The following CSMD3 variants were observed in gnomAD, a reference collection of about 807,000 sequenced individuals.
CSMD3 encodes the protein CUB and Sushi multiple domains 3, also known as CUB and sushi domain-containing protein 3.
In CSMD3, 177 loss-of-function variants were observed where a neutral mutation model predicts 435.2. That is an observed-to-expected ratio of 0.41 (90% confidence interval 0.36 to 0.46). The LOEUF (loss-of-function observed/expected upper bound fraction) is 0.46. CSMD3 is among the 20% of genes least tolerant of loss of function. The pLI, the probability that CSMD3 is intolerant of heterozygous loss-of-function variation, is 0.34. For missense variants in CSMD3, 4,265 were observed against 4,504.6 expected (o/e 0.95, Z 1.52); for synonymous variants, 1,656 against 1,520.5 (o/e 1.09, Z -2.07).
intron 3 of CSMD3, among the ~76,000 whole-genome samples, chr8:113,187,157 C>A (rs1470605375): frequency 6.7e-6 from 1 of 149,324 alleles, no homozygotes; most frequent in Non-Finnish European, 1.5e-5. Flanking sequence ...TTTTCTTCTT[C>A]TTCTTCTTCT....
At position 113,173,780 on chromosome 8, in the gene CSMD3, G is replaced by A. The variant is rs2131890363; in HGVS notation, c.651C>T (p.Thr217=). ...CTGTATTAACTGAATTGGCTATGCA[G>A]GTGAGCTGAGGGTGGCCATCAAGGA... ...GYILDGHPQL[T]CIANSVNTAS... Residue 217 remains threonine, a synonymous_variant, in exon 4 of 71, where the codon ACC becomes ACT. Transcript: ENST00000297405. The A allele has an allele frequency of 6.2e-7, 1 of 1,613,802 alleles. No homozygotes were observed. Among genetic ancestry groups the A allele is most frequent in the Non-Finnish European group, 8.5e-7 (1 of 1,179,760 alleles).
rs201128122 is a variant in CSMD3 at position 112,265,583 on chromosome 8, A to C, written c.9516T>G (p.Ser3172Arg). 6.8e-6 allele frequency: 11 copies of C among 1,611,090 alleles called. No individual in the cohort carries two copies. In the South Asian group the frequency reaches 1.2e-4, roughly 18 times the overall value. ...TGGCTGGTATACCTGGGTCTCCACA[A>C]CTGATTACTGTCAGTATTGGATTAG... ...SGTLPNCTII[S>R]CGDPGIPANG... The change falls in exon 60 of 71, where the codon AGT becomes AGG. Residue 3172 changes from serine (S) to arginine (R), a missense_variant. Around this residue, in one of 3 missense-constraint regions of CSMD3, gnomAD observed 3,255 missense variants for 3,380.2 expected, o/e 0.96. Coordinates refer to ENST00000297405, the MANE Select transcript of CSMD3 (RefSeq NM_198123.2).
In CSMD3 at chr8:112,224,519, C is replaced by A; in HGVS notation, c.*252G>T. The A allele has an allele frequency of 1.9e-6, 1 of 521,134 alleles. No individual in the cohort carries two copies. Among genetic ancestry groups the A allele is most frequent in the Non-Finnish European group, 3.5e-6 (1 of 288,268 alleles). 32.3% of individuals were successfully genotyped at this position (521,134 alleles called of 1,614,324 possible). A position where few individuals can be genotyped will look rare whatever the true frequency, so the allele number is the denominator to read the frequency against. Reference sequence around the variant, plus strand: ...ATAAGTTTATATTTTAGAATAATCTCCTTTTTAAAAAAAGCAAATAAACTG... The same window carrying A: ...ATAAGTTTATATTTTAGAATAATCTACTTTTTAAAAAAAGCAAATAAACTG... On this transcript the variant is annotated 3_prime_UTR_variant, in exon 71 of 71. Transcript: ENST00000297405.
intron 4 of CSMD3, among the ~76,000 whole-genome samples, chr8:113,141,285 CA>C (rs892138267): frequency 2.7e-5 from 4 of 149,820 alleles, no homozygotes; most frequent in Admixed American, 6.7e-5. Flanking sequence ...TAATATCTTC[CA>C]AAAAAACAGA....
At chr8:113,210,211 C>G (rs913465538) in intron 3 of CSMD3, among the ~76,000 whole-genome samples, 1 of 152,030 alleles carries the variant, frequency 6.6e-6, no homozygotes, top group Non-Finnish European at 1.5e-5. Context: ...TCATTTTACA[C>G]CTGATTTCCT....
Position 112,805,854 on chromosome 8 carries a change from T to TA in CSMD3, c.1860-5581dup, listed in dbSNP as rs566115886. Reference sequence around the variant, plus strand: ...TCTCTAATCATTTACAGAAAAAACTTAAAGAAATTTGTCCCAGTGGGGGAT... The same window carrying TA: ...TCTCTAATCATTTACAGAAAAAACTTAAAAGAAATTTGTCCCAGTGGGGGAT... On this transcript the variant is annotated intron_variant, in intron 12 of 70. Transcript: ENST00000297405. Among the ~76,000 whole-genome samples the TA allele has an allele frequency of 1.8e-4, 27 of 152,278 alleles. No individual in the cohort carries two copies. In the South Asian group the frequency reaches 5.6e-3, roughly 32 times the overall value.
intron 32 of CSMD3, among the ~76,000 whole-genome samples, chr8:112,425,875 T>C (rs1194601764): frequency 6.6e-6 from 1 of 152,122 alleles, no homozygotes; most frequent in Non-Finnish European, 1.5e-5. Flanking sequence ...AAAAAAAAGA[T>C]GAAGTCATAC....
intron 32 of CSMD3, among the ~76,000 whole-genome samples, chr8:112,441,341 T>A (rs1179296202): frequency 6.6e-6 from 1 of 152,062 alleles, no homozygotes; most frequent in East Asian, 1.9e-4. Context: ...AAGCTACAAG[T>A]CTCTAAGAAG....
In CSMD3 at chr8:112,978,306, G is replaced by A. The variant is rs141621023; in HGVS notation, c.1031-2158C>T. On this transcript the variant is annotated intron_variant, in intron 6 of 70. Transcript: ENST00000297405. ...GATTAAATTATCATATTCCATCAGAGTCATTATGATCAATCTCAAATAATC... is the reference window on the plus strand; with the variant it reads ...GATTAAATTATCATATTCCATCAGAATCATTATGATCAATCTCAAATAATC... Among the ~76,000 whole-genome samples, 10 of 152,076 alleles carry A rather than the reference G, an allele frequency of 6.6e-5. No homozygotes were observed. In the East Asian group the frequency reaches 1.9e-3, roughly 29 times the overall value.
chr8:113,178,960 A>T (rs1308632517), intron 3 of CSMD3, among the ~76,000 whole-genome samples: 1 of 151,984 alleles, frequency 6.6e-6, no homozygotes, highest in African/African-American at 2.4e-5. Context: ...TCTGCTTTTT[A>T]AAAGAGTAAT....
At chr8:113,145,928 C>G (rs1188992321) in intron 4 of CSMD3, among the ~76,000 whole-genome samples, 1 of 151,428 alleles carries the variant, frequency 6.6e-6, no homozygotes, top group Admixed American at 6.6e-5. Context: ...TGTATTTCCA[C>G]TGAAATAATT....
Position 112,894,004 on chromosome 8 carries a change from C to CA in CSMD3, c.1633+27622dup, listed in dbSNP as rs2081878533. 2.6e-5 allele frequency among the ~76,000 whole-genome samples: 4 copies of CA among 151,324 alleles called. No individual in the cohort carries two copies. In the South Asian group the frequency reaches 8.3e-4, roughly 31 times the overall value. ...TGATAAAATAAATAAGAGAGACTCC[C>CA]AGGGTAAAATACATTGGATTTAAAG... On this transcript the variant is annotated intron_variant, in intron 10 of 70. Transcript: ENST00000297405.
chr8:113,225,562 A>G (rs942044426), intron 3 of CSMD3, among the ~76,000 whole-genome samples: 2 of 151,356 alleles, frequency 1.3e-5, no homozygotes, highest in Non-Finnish European at 3.0e-5. Flanking sequence ...ATGACGAGAG[A>G]AAAAAAATTC....
At chr8:113,188,386 A>G (rs949656872) in intron 3 of CSMD3, among the ~76,000 whole-genome samples, 15 of 152,028 alleles carry the variant, frequency 9.9e-5, no homozygotes, top group South Asian at 6.2e-4. Context: ...TTGGGGAGAT[A>G]GGAAAATATG....
intron 6 of CSMD3, among the ~76,000 whole-genome samples, chr8:113,001,163 C>A: frequency 6.6e-6 from 1 of 151,956 alleles, no homozygotes; most frequent in East Asian, 1.9e-4. Context: ...ACGCTGTTTC[C>A]TACATTCATT....
intron 2 of CSMD3, among the ~76,000 whole-genome samples, chr8:113,302,108 A>G (rs2093773383): frequency 6.6e-6 from 1 of 150,920 alleles, no homozygotes; most frequent in African/African-American, 2.4e-5. Flanking sequence ...AAATACAATT[A>G]ATGAGCTGTG....
At chr8:112,693,799 G>A (rs2076191373) in intron 13 of CSMD3, among the ~76,000 whole-genome samples, 1 of 151,454 alleles carries the variant, frequency 6.6e-6, no homozygotes, top group African/African-American at 2.4e-5. Context: ...TAGGAATTTA[G>A]CCCTCATGTT....
At chr8:113,410,316 T>C (rs2129771323) in intron 1 of CSMD3, among the ~76,000 whole-genome samples, 1 of 152,314 alleles carries the variant, frequency 6.6e-6, no homozygotes, top group African/African-American at 2.4e-5. Flanking sequence ...TCACCTACTA[T>C]CTCCTTAATT....
At chr8:113,346,699 A>G (rs1416651549) in intron 1 of CSMD3, among the ~76,000 whole-genome samples, 3 of 149,528 alleles carry the variant, frequency 2.0e-5, no homozygotes, top group Non-Finnish European at 4.5e-5. Context: ...TAAACTAAGA[A>G]AATATCTGAG....
Sources: gnomAD v4.1 joint callset for allele counts (sites outside exome capture counted in the v4.1 genomes callset) on GRCh38, gnomAD v4.1.1 for gene constraint, gnomAD v4.1.1 regional missense constraint, MANE v1.5 for transcripts, NCBI Gene and HGNC (gene_info 2026-07-23, HGNC 2026-07-21) for gene names.